Variants in CHMP3 observed in about 807,000 individuals in gnomAD.
The protein encoded by CHMP3 is charged multivesicular body protein 3, also known as 25.1 protein.
Under a neutral mutation model 27.4 loss-of-function variants are expected in CHMP3, and 8 were observed. That is an observed-to-expected ratio of 0.29 (90% CI 0.17 to 0.53). The LOEUF (loss-of-function observed/expected upper bound fraction) is 0.53. Ranked by LOEUF, CHMP3 falls within the 20% of genes least tolerant of loss-of-function variation. The pLI is 0.96. For synonymous variants in CHMP3, 86 were observed against 85.5 expected, an observed-to-expected ratio of 1.01 and a Z score of -0.03; for missense variants, 208 against 271.5, an observed-to-expected ratio of 0.77 and a Z score of 1.64.
chr2:86,548,882 C>A (rs532558504), intron 1 of CHMP3, among the ~76,000 whole-genome samples: 6 of 139,706 alleles, frequency 4.3e-5, no homozygotes, highest in Admixed American at 3.6e-4. Context: ...ACATCCCAGA[C>A]GATGGGCAGC....
intron 1 of CHMP3, among the ~76,000 whole-genome samples, chr2:86,548,716 G>A (rs924115141): frequency 1.3e-5 from 2 of 152,074 alleles, no homozygotes; most frequent in African/African-American, 2.4e-5. Flanking sequence ...GGAGCTATTG[G>A]GTACACTTCC....
chr2:86,521,008 A>C (rs1032229935), intron 3 of CHMP3, among the ~76,000 whole-genome samples: 3 of 152,156 alleles, frequency 2.0e-5, no homozygotes, highest in Non-Finnish European at 4.4e-5. Flanking sequence ...GTACTTTGTA[A>C]TCTCCGCCAC....
At chr2:86,510,709 C>G (rs922166042) in intron 3 of CHMP3, 1 of 493,852 alleles carries the variant, frequency 2.0e-6, no homozygotes, top group Non-Finnish European at 3.4e-6. Flanking sequence ...CACCACATGA[C>G]CAATCTGGAG....
chr2:86,530,794 A>T (rs1265226446), intron 2 of CHMP3, among the ~76,000 whole-genome samples: 1 of 152,228 alleles, frequency 6.6e-6, no homozygotes, highest in Non-Finnish European at 1.5e-5. Context: ...CTAACAGTAT[A>T]CAAAGTTCCA....
At chr2:86,550,401 GGGGAGAGGGAGAAAGGGAGAGGGAGAAA>G (rs556146434) in intron 1 of CHMP3, among the ~76,000 whole-genome samples, 2 of 148,552 alleles carry the variant, frequency 1.3e-5, no homozygotes, top group African/African-American at 5.0e-5. Flanking sequence ...AGGGAGAGAG[GGGGAGAGGGAGAAAGGGAGAGGGAGAAA>G]GGGAGAGGGA....
chr2:86,545,341 C>T (rs562061036), intron 1 of CHMP3, among the ~76,000 whole-genome samples: 2 of 91,610 alleles, frequency 2.2e-5, no homozygotes, highest in East Asian at 7.5e-4. Context: ...ACCTCCCGGA[C>T]GAAGGGCGGC....
chr2:86,510,281 C>T, intron 4 of CHMP3, 77 bp downstream of exon 4: 1 of 1,323,636 alleles, frequency 7.6e-7, no homozygotes, highest in Non-Finnish European at 1.0e-6. Flanking sequence ...CCCACCCACC[C>T]TCATCCCTAG....
At chr2:86,547,783 G>A (rs1676669128) in intron 1 of CHMP3, among the ~76,000 whole-genome samples, 1 of 152,210 alleles carries the variant, frequency 6.6e-6, no homozygotes, top group African/African-American at 2.4e-5. Flanking sequence ...GATTTCAGTA[G>A]TAAATGAGGC....
chr2:86,545,029 C>T (rs1295927217), intron 1 of CHMP3, among the ~76,000 whole-genome samples: 8 of 73,100 alleles, frequency 1.1e-4, no homozygotes, highest in African/African-American at 3.9e-4. Context: ...ACCTCCCGGA[C>T]GAAGGGCGGC....
intron 1 of CHMP3, among the ~76,000 whole-genome samples, chr2:86,559,841 C>T (rs1486371274): frequency 1.3e-5 from 2 of 152,188 alleles, no homozygotes; most frequent in African/African-American, 2.4e-5. Context: ...AGTGAAAGGT[C>T]AAACTGTTTC....
intron 1 of CHMP3, among the ~76,000 whole-genome samples, chr2:86,549,657 C>G (rs111378346): frequency 9.0e-6 from 1 of 111,140 alleles, no homozygotes; most frequent in African/African-American, 3.4e-5. Flanking sequence ...GCAGAGGCGC[C>G]CCTCACTTCC....
chr2:86,560,863 T>C (rs934494699), intron 1 of CHMP3, among the ~76,000 whole-genome samples: 6 of 151,862 alleles, frequency 4.0e-5, no homozygotes, highest in Non-Finnish European at 7.4e-5. Context: ...CAAGAGAGAA[T>C]GAGGGAGAAG....
intron 1 of CHMP3, among the ~76,000 whole-genome samples, chr2:86,546,256 C>T (rs983289989): frequency 1.3e-5 from 2 of 148,750 alleles, no homozygotes; most frequent in African/African-American, 5.0e-5. Context: ...CCTAGGCACT[C>T]GGCAGGCCGG....
At position 86,510,294 on chromosome 2, in the gene CHMP3, C is replaced by T. The variant is rs575158958; in HGVS notation, c.408+64G>A. On this transcript the variant is annotated intron_variant, in intron 4 of 5. Coordinates refer to ENST00000263856, the MANE Select transcript of CHMP3 (RefSeq NM_016079.4). ...TCCCCACCCACCCTCATCCCTAGCCCCCTGTTACTTGTTTAGAGTGACTCT... is the reference window on the plus strand; with the variant it reads ...TCCCCACCCACCCTCATCCCTAGCCTCCTGTTACTTGTTTAGAGTGACTCT... 1.0e-5 allele frequency: 16 copies of T among 1,544,426 alleles called. 1 individual carries two copies. In the South Asian group the frequency reaches 1.6e-4, roughly 15 times the overall value.
rs527961724 is a variant in CHMP3, at chr2:86,529,080, G to A, written c.286+138C>T. On this transcript the variant is annotated intron_variant, in intron 3 of 5. Transcript: ENST00000263856. The stretch of plus-strand genomic sequence containing the variant: ...AAAACAAACAACATTATTATATTTT[G>A]CATTTCTACAACACTCAACACTAAG... 1.2e-5 allele frequency: 10 copies of A among 823,338 alleles called. No homozygotes were observed. The East Asian group carries it at 2.5e-4, about 20-fold the overall frequency. The allele number at this position is 823,338 out of a possible 1,614,324, so 51.0% of individuals were successfully genotyped here.
At position 86,529,415 on chromosome 2, in the gene CHMP3, C is replaced by T; in HGVS notation, c.107-18G>A. 1.9e-6 allele frequency: 3 copies of T among 1,557,304 alleles called. No individual in the cohort carries two copies. The highest frequency in any genetic ancestry group is 2.6e-6 in the Non-Finnish European group (3 of 1,152,904). ...TTGGATATCTAAATTTAGAACAGAA[C>T]ACCAAAAATCAAGGGTAAGTCAGGT... On this transcript the variant is annotated intron_variant, in intron 2 of 5. Coordinates refer to ENST00000263856, the MANE Select transcript of CHMP3 (RefSeq NM_016079.4).
chr2:86,546,438 CT>C (rs201399690), intron 1 of CHMP3, among the ~76,000 whole-genome samples: 260 of 136,002 alleles, frequency 1.9e-3, no homozygotes, highest in South Asian at 3.6e-3. Flanking sequence ...TGAAGTTGGA[CT>C]TTTTTTTTTT....
intron 3 of CHMP3, among the ~76,000 whole-genome samples, chr2:86,516,072 C>T (rs1427767259): frequency 1.4e-5 from 2 of 143,970 alleles, no homozygotes; most frequent in Non-Finnish European, 3.0e-5. Flanking sequence ...CACTTCAACC[C>T]GGGAGGCGGA....
intron 1 of CHMP3, among the ~76,000 whole-genome samples, chr2:86,545,767 G>A (rs1411146578): frequency 2.9e-5 from 4 of 136,084 alleles, no homozygotes; most frequent in Non-Finnish European, 4.7e-5. Flanking sequence ...CTTCTCAGAC[G>A]ATGGGTGGCC....
Sources: gnomAD v4.1 joint callset for allele counts (sites outside exome capture counted in the v4.1 genomes callset) on GRCh38, gnomAD v4.1.1 for gene constraint, MANE v1.5 for transcripts, NCBI Gene and HGNC (gene_info 2026-07-23, HGNC 2026-07-21) for gene names.